The following ZNF746 variants were observed in gnomAD, a reference collection of about 807,000 sequenced individuals.
The protein encoded by ZNF746 is parkin-interacting substrate.
Under a neutral mutation model 41.0 loss-of-function variants are expected in ZNF746, and 13 were observed. The ratio of observed to expected loss-of-function variants is 0.32; its 90% CI spans 0.21 to 0.50. The LOEUF (loss-of-function observed/expected upper bound fraction) is 0.50. Among genes scored for constraint, ZNF746 ranks in the 20% least tolerant of loss-of-function variants. ZNF746 has a pLI of 0.98. For synonymous variants in ZNF746, 424 were observed against 396.2 expected (o/e 1.07, Z -0.83); for missense variants, 811 against 922.9 (o/e 0.88, Z 1.57).
In ZNF746 at chr7:149,475,182, C is replaced by T. The variant is rs1185291618; in HGVS notation, c.1185G>A (p.Trp395Ter). 3 of 1,612,734 alleles carry T rather than the reference C, an allele frequency of 1.9e-6. No individual in the cohort carries two copies. The highest frequency in any genetic ancestry group is 1.7e-5 in the Admixed American group (1 of 60,006). Residue 395 changes from tryptophan to a stop codon, truncating the protein, a stop_gained, in exon 7 of 7, where the codon TGG becomes TGA. Transcript: ENST00000458143. LOFTEE classifies it low-confidence loss of function (END_TRUNC). ...PGDWLFGGVR[W>*]GWNFRCKPPV... ...GCGGTTTACACCGGAAATTCCAGCC[C>T]CACCGGACCCCTCCGAAGAGCCAGT...
At chr7:149,480,560 GT>G (rs927646279) in intron 4 of ZNF746, among the ~76,000 whole-genome samples, 22 of 152,076 alleles carry the variant, frequency 1.4e-4, no homozygotes, top group Non-Finnish European at 2.8e-4. Flanking sequence ...AGCCTCCCCA[GT>G]AGCACTGGGA....
chr7:149,477,979 AG>A (rs1485683085), intron 4 of ZNF746: 2 of 437,456 alleles, frequency 4.6e-6, no homozygotes, highest in African/African-American at 4.0e-5. Flanking sequence ...GAGGCGGGGG[AG>A]GGGAAGAATA....
intron 4 of ZNF746, among the ~76,000 whole-genome samples, chr7:149,492,492 T>A (rs1800836130): frequency 6.6e-6 from 1 of 152,222 alleles, no homozygotes; most frequent in Non-Finnish European, 1.5e-5. Flanking sequence ...AGTCAAAAGT[T>A]ATACATAGAT....
chr7:149,488,280 T>C (rs1353108267), intron 4 of ZNF746: 1 of 151,976 alleles, frequency 6.6e-6, no homozygotes, highest in African/African-American at 2.4e-5. Flanking sequence ...AAAGCAAAAC[T>C]TTTAAAAATT....
rs1246382501 is a variant in ZNF746 at position 149,474,670 on chromosome 7, C to A, written c.1697G>T (p.Arg566Leu). 6.2e-7 allele frequency: 1 copy of A among 1,613,036 alleles called. No homozygotes were observed. Among genetic ancestry groups the A allele is most frequent in the Non-Finnish European group, 8.5e-7 (1 of 1,179,740 alleles). Reference protein sequence around the residue: ...CTECEKRFTERSKLIDHYRTH... With the variant: ...CTECEKRFTELSKLIDHYRTH... ...TCGGTAGTGGTCGATGAGCTTGGAG[C>A]GTTCGGTGAAGCGCTTCTCACACTC... Residue 566 changes from arginine (R) to leucine (L), a missense_variant, in exon 7 of 7, where the codon CGC becomes CTC. Physicochemically the swap from Arg to Leu is moderately radical, Grantham distance 102. Coordinates refer to ENST00000458143, the MANE Select transcript of ZNF746 (RefSeq NM_001394198.1). This position sits in a 1 kb window ranked among gnomAD's most constrained non-coding sequence, Gnocchi z 6.3.
chr7:149,477,745 G>A lies in ZNF746; in HGVS notation c.576C>T (p.Pro192=), dbSNP rs897518795. Residue 192 remains proline, a synonymous_variant, in exon 5 of 7, where the codon CCC becomes CCT. Coordinates refer to ENST00000458143, the MANE Select transcript of ZNF746 (RefSeq NM_001394198.1). ...VPVDPSPGSG[P]PVPAPDLLMQ... ...TCAAGAGGTCTGGGGCGGGAACTGG[G>A]GGCCCCGAGCCTAGGAAAGGGAGTG... The A allele has an allele frequency of 1.2e-6, 2 of 1,605,140 alleles. No individual in the cohort carries two copies. Among genetic ancestry groups the A allele is most frequent in the Non-Finnish European group, 1.7e-6 (2 of 1,173,756 alleles).
In ZNF746 at chr7:149,473,009, T is replaced by C. The variant is rs1429247656; in HGVS notation, c.*1375A>G. ...TCTGCAGGGGAAACAAGAGGACCAG[T>C]GGCTGCTTCAACAAAACAGGAATGG... On this transcript the variant is annotated 3_prime_UTR_variant, in exon 7 of 7. Coordinates refer to ENST00000458143, the MANE Select transcript of ZNF746 (RefSeq NM_001394198.1). 5.3e-5 allele frequency: 8 copies of C among 152,290 alleles called. No individual in the cohort carries two copies. Among genetic ancestry groups the C allele is most frequent in the Admixed American group, 5.2e-4 (8 of 15,262 alleles). The allele number at this position is 152,290 out of a possible 1,614,324, so 9.4% of individuals were successfully genotyped here. A position where few individuals can be genotyped will look rare whatever the true frequency, so the allele number is the denominator to read the frequency against.
chr7:149,490,230 G>A (rs1269195278), intron 4 of ZNF746: 1 of 152,434 alleles, frequency 6.6e-6, no homozygotes, highest in African/African-American at 2.4e-5. Flanking sequence ...GTTCTCAGCT[G>A]TGCACCATAC....
rs770556802 is a variant in ZNF746 at position 149,477,029 on chromosome 7, G to A, written c.776C>T (p.Ser259Phe). 3 of 1,613,386 alleles carry A rather than the reference G, an allele frequency of 1.9e-6. No individual in the cohort carries two copies. Among genetic ancestry groups the A allele is most frequent in the South Asian group, 1.1e-5 (1 of 91,040 alleles). ...DATSGVHSNF[S>F]TTIPPTSWQT... ...CCAGGAGGTGGGCGGGATGGTGGTG[G>A]AAAAGTTGGAATGGACACCTGCGGT... The change falls in exon 6 of 7, where the codon TCC becomes TTC. Residue 259 changes from serine to phenylalanine, a missense_variant. By Grantham distance (155) the Ser-to-Phe change is radical. Around this residue, in one of 4 missense-constraint regions of ZNF746, gnomAD observed 495 missense variants for 481.6 expected, o/e 1.03. Coordinates refer to ENST00000458143, the MANE Select transcript of ZNF746 (RefSeq NM_001394198.1).
intron 4 of ZNF746, among the ~76,000 whole-genome samples, chr7:149,492,546 G>A (rs60206402): frequency 0.21 from 32,494 of 152,092 alleles, 3,791 homozygotes; most frequent in Middle Eastern, 0.34. Context: ...TGGCCCCTGC[G>A]TTAAGGGTCA....
Position 149,474,464 on chromosome 7 carries a change from G to T in ZNF746, c.1903C>A (p.Pro635Thr). 6.2e-7 allele frequency: 1 copy of T among 1,611,540 alleles called. No homozygotes were observed. The highest frequency in any genetic ancestry group is 8.5e-7 in the Non-Finnish European group (1 of 1,178,868). The change falls in exon 7 of 7, where the codon CCT (proline) becomes ACT (threonine). Residue 635 changes from proline (P) to threonine (T), a missense_variant. Pro to Thr is a conservative substitution (Grantham distance 38, BLOSUM62 -1). Coordinates refer to ENST00000458143, the MANE Select transcript of ZNF746 (RefSeq NM_001394198.1). This position sits in a 1 kb window ranked among gnomAD's most constrained non-coding sequence, Gnocchi z 6.3. ...GTCACAAGGTCTGTGGAGGCCAAAG[G>T]TCCTTTGGAGGCGGGGCTCTTGAAG... The part of the protein sequence containing the change: ...DPFKSPASKG[P>T]LASTDLVTDW...
At position 149,475,035 on chromosome 7, in the gene ZNF746, A is replaced by C. The variant is rs780567994; in HGVS notation, c.1332T>G (p.Pro444=). 7 of 1,565,052 alleles carry C rather than the reference A, an allele frequency of 4.5e-6. No homozygotes were observed. Among genetic ancestry groups the C allele is most frequent in the Admixed American group, 3.9e-5 (2 of 51,470 alleles). The change falls in exon 7 of 7, where the codon CCT becomes CCG. Residue 444 remains proline (P), a synonymous_variant. Transcript: ENST00000458143. ...PRPFNEPCKY[P]GRTKGFGHKP... is the part of the protein sequence containing the mutation. The stretch of plus-strand genomic sequence containing the variant: ...TGTGGCCAAAGCCTTTGGTCCGGCC[A>C]GGGTATTTACAGGGTTCGTTGAATG...
At position 149,494,190 on chromosome 7, in the gene ZNF746, C is replaced by A; in HGVS notation, c.324+14G>T. 3.7e-6 allele frequency: 6 copies of A among 1,613,736 alleles called. No homozygotes were observed. Among genetic ancestry groups the A allele is most frequent in the Non-Finnish European group, 5.1e-6 (6 of 1,179,682 alleles). ...CCGCTTGGGCTCCCACACCCCAAGG[C>A]GTCCCAGGGCTACCTTAGGGGACTC... On this transcript the variant is annotated intron_variant, in intron 2 of 6. Coordinates refer to ENST00000458143, the MANE Select transcript of ZNF746 (RefSeq NM_001394198.1). This position sits in a 1 kb window ranked among gnomAD's most constrained non-coding sequence, Gnocchi z 5.6.
At chr7:149,493,837 C>T in intron 3 of ZNF746, 152 bp downstream of exon 3, 1 of 1,311,788 alleles carries the variant, frequency 7.6e-7, no homozygotes, top group Non-Finnish European at 1.0e-6. Flanking sequence ...CTCCATCACC[C>T]AGGGCTCATC....
chr7:149,495,554 C>A (rs1800967619), intron 1 of ZNF746, among the ~76,000 whole-genome samples: 1 of 152,172 alleles, frequency 6.6e-6, no homozygotes, highest in Non-Finnish European at 1.5e-5. Context: ...CTACAGGGCA[C>A]AGAGGAGCTC....
rs542822119 is a variant in ZNF746, at chr7:149,494,809, G to A, written c.25-306C>T. The stretch of plus-strand genomic sequence containing the variant: ...CTGTGGGCTCCCTGAACATGGTATT[G>A]CATCTTTTCATACCACTGTCCTTGA... On this transcript the variant is annotated intron_variant, in intron 1 of 6. Transcript: ENST00000458143. This position sits in a 1 kb window ranked among gnomAD's most constrained non-coding sequence, Gnocchi z 5.6. 6.6e-6 allele frequency among the ~76,000 whole-genome samples: 1 copy of A among 151,960 alleles called. No individual in the cohort carries two copies. Among genetic ancestry groups the A allele is most frequent in the Non-Finnish European group, 1.5e-5 (1 of 67,992 alleles).
At chr7:149,486,571 T>G (rs1800630995) in intron 4 of ZNF746, among the ~76,000 whole-genome samples, 1 of 152,130 alleles carries the variant, frequency 6.6e-6, no homozygotes, top group African/African-American at 2.4e-5. Flanking sequence ...TGGATGGCTC[T>G]CAAAAACATA....
intron 4 of ZNF746, among the ~76,000 whole-genome samples, chr7:149,485,390 G>A (rs1190600965): frequency 6.6e-6 from 1 of 152,208 alleles, no homozygotes; most frequent in Non-Finnish European, 1.5e-5. Flanking sequence ...AGTTTGAGGG[G>A]CTATCTGAAA....
At chr7:149,487,196 C>A (rs1376985157) in intron 4 of ZNF746, among the ~76,000 whole-genome samples, 1 of 152,178 alleles carries the variant, frequency 6.6e-6, no homozygotes, top group Non-Finnish European at 1.5e-5. Flanking sequence ...CCCGGTCCCC[C>A]ATTGGTGGAA....
Sources: gnomAD v4.1 joint callset for allele counts (sites outside exome capture counted in the v4.1 genomes callset) on GRCh38, gnomAD v4.1.1 for gene constraint, gnomAD v4.1.1 regional missense constraint, Gnocchi (gnomAD v3.1) non-coding constraint, MANE v1.5 for transcripts, NCBI Gene and HGNC (gene_info 2026-07-23, HGNC 2026-07-21) for gene names.